Variants in TBC1D22A observed in about 807,000 individuals in gnomAD.
TBC1D22A encodes the protein TBC1 domain family member 22A.
In TBC1D22A, 38 loss-of-function variants were observed where a neutral mutation model predicts 60.2. That is an observed-to-expected ratio of 0.63 (90% CI 0.49 to 0.83). The LOEUF is 0.83. TBC1D22A is among the 40% of genes least tolerant of loss of function. The pLI, the probability that TBC1D22A is intolerant of heterozygous loss-of-function variation, is 0.00. For synonymous variants in TBC1D22A, 302 were observed against 281.7 expected (o/e 1.07, Z -0.72); for missense variants, 628 against 701.0 (o/e 0.90, Z 1.18).
intron 4 of TBC1D22A, among the ~76,000 whole-genome samples, chr22:46,874,819 C>T (rs897052428): frequency 1.3e-5 from 2 of 152,050 alleles, no homozygotes; most frequent in Admixed American, 1.3e-4. Context: ...AATGATCTGC[C>T]CGCCTTGGCC....
rs151003235 is a variant in TBC1D22A at position 46,802,547 on chromosome 22, T to C, written c.637+4927T>C. Among the ~76,000 whole-genome samples, 395 of 152,296 alleles carry C rather than the reference T, an allele frequency of 2.6e-3. 1 individual carries two copies. The highest frequency in any genetic ancestry group is 5.4e-3 in the Admixed American group (82 of 15,300). On this transcript the variant is annotated intron_variant, in intron 4 of 12. Transcript: ENST00000337137. The stretch of plus-strand genomic sequence containing the variant: ...GCTGAGTGGGGTGTGGGGAGAGGCC[T>C]GCAAGGCAGGCAGGGACCAGGTCCC...
At chr22:46,897,662 T>C (rs2068759336) in intron 7 of TBC1D22A, among the ~76,000 whole-genome samples, 1 of 149,974 alleles carries the variant, frequency 6.7e-6, no homozygotes, top group African/African-American at 2.5e-5. Flanking sequence ...GTTTTTTTTT[T>C]TTTTTTTAGT....
At chr22:46,808,892 C>G (rs2085265478) in intron 4 of TBC1D22A, among the ~76,000 whole-genome samples, 1 of 152,230 alleles carries the variant, frequency 6.6e-6, no homozygotes, top group Non-Finnish European at 1.5e-5. Context: ...CCGTGCCCGG[C>G]CTTCGCCAGC....
At chr22:46,886,073 A>G (rs1257065507) in intron 5 of TBC1D22A, among the ~76,000 whole-genome samples, 2 of 151,772 alleles carry the variant, frequency 1.3e-5, no homozygotes, top group Non-Finnish European at 2.9e-5. Context: ...ACGCCTGGCT[A>G]ATTTTTTGTG....
At chr22:46,983,896 C>T (rs1018509518) in intron 9 of TBC1D22A, among the ~76,000 whole-genome samples, 5 of 128,812 alleles carry the variant, frequency 3.9e-5, no homozygotes, top group Admixed American at 1.6e-4. Flanking sequence ...ACACCTGGGC[C>T]GATTCCAGCT....
chr22:47,067,666 A>C (rs538095536), intron 11 of TBC1D22A, among the ~76,000 whole-genome samples: 7 of 152,310 alleles, frequency 4.6e-5, no homozygotes, highest in African/African-American at 1.7e-4. Context: ...GGATCAGAAC[A>C]GGCAGAGATG....
At chr22:46,873,432 A>T (rs2067385623) in intron 4 of TBC1D22A, among the ~76,000 whole-genome samples, 1 of 152,244 alleles carries the variant, frequency 6.6e-6, no homozygotes, top group African/African-American at 2.4e-5. Flanking sequence ...TCAAATGTTC[A>T]TACATTGCTG....
At chr22:46,776,649 G>A (rs1397751029) in intron 1 of TBC1D22A, among the ~76,000 whole-genome samples, 3 of 151,984 alleles carry the variant, frequency 2.0e-5, no homozygotes, top group Non-Finnish European at 4.4e-5. Flanking sequence ...TGGGTAGGAC[G>A]AGGCCAGCCA....
intron 12 of TBC1D22A, among the ~76,000 whole-genome samples, chr22:47,138,465 C>T (rs1375147037): frequency 6.6e-6 from 1 of 152,144 alleles, no homozygotes; most frequent in African/African-American, 2.4e-5. Flanking sequence ...GAGAAGCGAG[C>T]AGTATGTCCT....
chr22:46,768,503 A>C (rs2083374537), intron 1 of TBC1D22A, among the ~76,000 whole-genome samples: 1 of 151,374 alleles, frequency 6.6e-6, no homozygotes, highest in Non-Finnish European at 1.5e-5. Context: ...AAAAAAAAAA[A>C]AAAAAATAGA....
At chr22:47,116,973 A>G (rs1312948240) in intron 12 of TBC1D22A, 1 of 152,600 alleles carries the variant, frequency 6.6e-6, no homozygotes, top group African/African-American at 2.4e-5. Flanking sequence ...GGGCAGGTGC[A>G]TGAAGGGACT....
At chr22:46,885,222 C>T (rs1179028257) in intron 5 of TBC1D22A, among the ~76,000 whole-genome samples, 1 of 152,134 alleles carries the variant, frequency 6.6e-6, no homozygotes, top group African/African-American at 2.4e-5. Flanking sequence ...CTGTGGGTGG[C>T]TCTTAGCATG....
At chr22:47,008,810 C>A (rs1388037994) in intron 10 of TBC1D22A, among the ~76,000 whole-genome samples, 1 of 152,164 alleles carries the variant, frequency 6.6e-6, no homozygotes, top group East Asian at 1.9e-4. Context: ...AAGCTGGTGC[C>A]TGTAAACTGG....
At chr22:46,962,012 G>C (rs751312858) in intron 8 of TBC1D22A, among the ~76,000 whole-genome samples, 6 of 152,224 alleles carry the variant, frequency 3.9e-5, no homozygotes, top group Non-Finnish European at 8.8e-5. Flanking sequence ...GTCAGTGGCA[G>C]GTGGTTGAAC....
chr22:46,784,179 G>A (rs1158506501), intron 1 of TBC1D22A, among the ~76,000 whole-genome samples: 3 of 152,122 alleles, frequency 2.0e-5, no homozygotes, highest in African/African-American at 7.2e-5. Context: ...GTGAGTGGCA[G>A]GGGCTCCAGG....
chr22:47,018,941 G>A (rs147759517), intron 10 of TBC1D22A, among the ~76,000 whole-genome samples: 43 of 150,648 alleles, frequency 2.9e-4, no homozygotes, highest in African/African-American at 1.0e-3. Context: ...TTAGCCAGAC[G>A]TTCCTGTCAG....
chr22:47,152,839 G>A (rs945274078), intron 12 of TBC1D22A, among the ~76,000 whole-genome samples: 12 of 152,328 alleles, frequency 7.9e-5, no homozygotes, highest in East Asian at 3.9e-4. Flanking sequence ...CGGGGGAGAC[G>A]CAGGATGCCA....
chr22:46,842,407 T>A (rs562017598), intron 4 of TBC1D22A, among the ~76,000 whole-genome samples: 2 of 152,120 alleles, frequency 1.3e-5, no homozygotes, highest in South Asian at 4.1e-4. Flanking sequence ...TGGCCATCCA[T>A]TGAGGCCACC....
At chr22:46,879,294 A>G (rs1602282122) in intron 5 of TBC1D22A, among the ~76,000 whole-genome samples, 1 of 138,336 alleles carries the variant, frequency 7.2e-6, no homozygotes, top group African/African-American at 2.7e-5. Context: ...GTCCTTGGGG[A>G]AAGGTTGGGG....
Sources: gnomAD v4.1 joint callset for allele counts (sites outside exome capture counted in the v4.1 genomes callset) on GRCh38, gnomAD v4.1.1 for gene constraint, MANE v1.5 for transcripts, NCBI Gene and HGNC (gene_info 2026-07-23, HGNC 2026-07-21) for gene names.